Variants in ZMPSTE24 observed in about 807,000 individuals in gnomAD.
ZMPSTE24 encodes the protein zinc metallopeptidase STE24, also known as CAAX prenyl protease 1 homolog.
Under a neutral mutation model 56.7 loss-of-function variants are expected in ZMPSTE24, and 48 were observed. The observed-to-expected ratio is 0.85, with a 90% confidence interval of 0.67 to 1.08. The LOEUF (loss-of-function observed/expected upper bound fraction) is 1.08. Among genes scored for constraint, ZMPSTE24 ranks in the 50% least tolerant of loss-of-function variants. The pLI is 0.00. For missense variants in ZMPSTE24, 503 were observed against 548.7 expected (o/e 0.92, Z 0.83); for synonymous variants, 172 against 195.2 (o/e 0.88, Z 0.99).
chr1:40,290,802 A>G (rs1311714095), intron 8 of ZMPSTE24, 52 bp from the exon 9 acceptor site: 22 of 1,599,094 alleles, frequency 1.4e-5, no homozygotes, highest in Non-Finnish European at 1.8e-5. Context: ...TACTGATCCC[A>G]TAGTGAAATC....
chr1:40,273,387 G>A (rs935461781), intron 6 of ZMPSTE24, among the ~76,000 whole-genome samples: 1 of 150,694 alleles, frequency 6.6e-6, no homozygotes, highest in Non-Finnish European at 1.5e-5. Flanking sequence ...GCGTGGTGGT[G>A]CGTGCCTGTA....
intron 2 of ZMPSTE24, chr1:40,262,756 C>T: frequency 1.9e-6 from 2 of 1,078,512 alleles, no homozygotes; most frequent in Non-Finnish European, 2.3e-6. Flanking sequence ...GTGTATTTGC[C>T]TCTTCTTTCT....
At chr1:40,281,265 A>G in intron 6 of ZMPSTE24, 78 bp from the exon 7 acceptor site, 1 of 1,345,654 alleles carries the variant, frequency 7.4e-7, no homozygotes, top group Non-Finnish European at 1.1e-6. Flanking sequence ...CTTTCCAGTA[A>G]TTCAATTTCT....
chr1:40,280,456 C>T (rs1188263013), intron 6 of ZMPSTE24, among the ~76,000 whole-genome samples: 2 of 151,872 alleles, frequency 1.3e-5, no homozygotes, highest in South Asian at 4.1e-4. Context: ...ACAGAGTCTC[C>T]GTCTGTTGCC....
At chr1:40,258,505 T>A (rs779987651) in intron 1 of ZMPSTE24, 111 bp downstream of exon 1, 7 of 1,573,816 alleles carry the variant, frequency 4.4e-6, no homozygotes, top group Non-Finnish European at 6.0e-6. Context: ...AGTCTCGTCT[T>A]TGTGGTCCCT....
intron 4 of ZMPSTE24, among the ~76,000 whole-genome samples, chr1:40,269,487 T>A (rs1643591469): frequency 6.6e-6 from 1 of 152,132 alleles, no homozygotes; most frequent in African/African-American, 2.4e-5. Context: ...TGCGACAGGG[T>A]CTCGTTCTGT....
chr1:40,273,537 A>AAATATATAT (rs1224234676), intron 6 of ZMPSTE24, among the ~76,000 whole-genome samples: 6 of 12,384 alleles, frequency 4.8e-4, no homozygotes, highest in Non-Finnish European at 5.9e-4. Context: ...AAAAAAAAAA[A>AAATATATAT]ATATATATAT....
chr1:40,288,645 A>C (rs1455614327), intron 8 of ZMPSTE24, among the ~76,000 whole-genome samples: 1 of 152,224 alleles, frequency 6.6e-6, no homozygotes, highest in Admixed American at 6.5e-5. Flanking sequence ...ACCTTCACAG[A>C]GCAGGTGTCT....
chr1:40,262,676 T>C (rs1643509577), intron 2 of ZMPSTE24: 2 of 255,058 alleles, frequency 7.8e-6, no homozygotes, highest in Non-Finnish European at 1.4e-5. Context: ...AATGTATCAT[T>C]CTCCCCAAAA....
At chr1:40,259,709 A>G (rs1170210254) in intron 1 of ZMPSTE24, among the ~76,000 whole-genome samples, 1 of 151,640 alleles carries the variant, frequency 6.6e-6, no homozygotes, top group Non-Finnish European at 1.5e-5. Flanking sequence ...GGCTCAAACG[A>G]CCCCTCCACC....
intron 7 of ZMPSTE24, among the ~76,000 whole-genome samples, chr1:40,283,903 T>C (rs2124591857): frequency 6.6e-6 from 1 of 151,574 alleles, no homozygotes; most frequent in East Asian, 1.9e-4. Flanking sequence ...AATTCCCTCA[T>C]CATCTTCCAA....
intron 1 of ZMPSTE24, among the ~76,000 whole-genome samples, chr1:40,258,846 AAAAC>A (rs576775491): frequency 6.8e-4 from 103 of 152,202 alleles, no homozygotes; most frequent in Non-Finnish European, 1.1e-3. Context: ...TCTGCTTGAA[AAAAC>A]AAACAAACAA....
intron 8 of ZMPSTE24, among the ~76,000 whole-genome samples, chr1:40,290,450 A>ATAT (rs1643829243): frequency 1.2e-5 from 1 of 82,578 alleles, no homozygotes; most frequent in South Asian, 4.5e-4. Flanking sequence ...CACACTATGA[A>ATAT]TTTTTTTTTT....
At chr1:40,270,256 C>T (rs1643600528) in intron 5 of ZMPSTE24, 129 bp downstream of exon 5, 1 of 1,125,388 alleles carries the variant, frequency 8.9e-7, no homozygotes, top group East Asian at 2.4e-5. Flanking sequence ...TACATTTCCC[C>T]CTTGGTTTCT....
At chr1:40,287,466 C>G (rs1371049766) in intron 8 of ZMPSTE24, among the ~76,000 whole-genome samples, 4 of 151,914 alleles carry the variant, frequency 2.6e-5, no homozygotes, top group African/African-American at 9.7e-5. Flanking sequence ...CACTTGAGGT[C>G]AGGAGATCGA....
At chr1:40,269,355 A>T (rs980503461) in intron 4 of ZMPSTE24, among the ~76,000 whole-genome samples, 5 of 152,002 alleles carry the variant, frequency 3.3e-5, no homozygotes, top group Non-Finnish European at 7.4e-5. Flanking sequence ...TCATTGTGCC[A>T]CTGTACTCCA....
intron 6 of ZMPSTE24, among the ~76,000 whole-genome samples, chr1:40,275,185 C>T (rs1171553536): frequency 2.7e-5 from 4 of 146,964 alleles, no homozygotes. Flanking sequence ...TTGGGGAGGC[C>T]GAGGTGGGCG....
chr1:40,272,424 G>A (rs2124583532), intron 6 of ZMPSTE24, among the ~76,000 whole-genome samples: 1 of 152,278 alleles, frequency 6.6e-6, no homozygotes, highest in South Asian at 2.1e-4. Flanking sequence ...GTCAAATTCT[G>A]TTTAGTATTA....
At chr1:40,262,463 A>C (rs1384539158) in intron 2 of ZMPSTE24, among the ~76,000 whole-genome samples, 1 of 152,122 alleles carries the variant, frequency 6.6e-6, no homozygotes, top group Non-Finnish European at 1.5e-5. Flanking sequence ...GGGACATGTC[A>C]CAAGTAGGAA....
Sources: allele counts gnomAD v4.1 joint callset (sites outside exome capture counted in the v4.1 genomes callset), GRCh38; gene constraint gnomAD v4.1.1; transcripts MANE v1.5; gene names NCBI Gene and HGNC (gene_info 2026-07-23, HGNC 2026-07-21).